The following CD276 variants were observed in gnomAD, a reference collection of about 807,000 sequenced individuals.
CD276 encodes the protein CD276 antigen.
CD276 carries 34 observed loss-of-function variants against 50.0 expected under a neutral mutation model. That is an observed-to-expected ratio of 0.68 (90% CI 0.52 to 0.91). CD276 has a LOEUF of 0.91. Ranked by LOEUF, CD276 falls within the 40% of genes least tolerant of loss-of-function variation. The pLI, the probability that CD276 is intolerant of heterozygous loss-of-function variation, is 0.00. For missense variants in CD276, 634 were observed against 717.5 expected, an observed-to-expected ratio of 0.88 and a Z score of 1.33; for synonymous variants, 275 against 313.0, an observed-to-expected ratio of 0.88 and a Z score of 1.28.
chr15:73,692,600 G>C (rs1567013894), intron 1 of CD276, among the ~76,000 whole-genome samples: 6 of 152,144 alleles, frequency 3.9e-5, no homozygotes. Context: ...TTTGATAAAA[G>C]CAAAATAATA....
At chr15:73,712,894 T>G (rs1900964881) in intron 9 of CD276, 40 bp from the exon 10 acceptor site, 1 of 1,608,594 alleles carries the variant, frequency 6.2e-7, no homozygotes, top group South Asian at 1.1e-5. Flanking sequence ...CATCTAATGC[T>G]TTTCCCTTCC....
chr15:73,709,421 T>G, intron 7 of CD276: 1 of 530,602 alleles, frequency 1.9e-6, no homozygotes, highest in Non-Finnish European at 3.3e-6. Flanking sequence ...GGGTAGTTTT[T>G]GGCTGGGTGA....
rs763087764 is a variant in CD276, at chr15:73,708,376, G to A, written c.1407G>A (p.Val469=). 1 of 1,614,192 alleles carries A rather than the reference G, an allele frequency of 6.2e-7. No individual in the cohort carries two copies. Among genetic ancestry groups the A allele is most frequent in the South Asian group, 1.1e-5 (1 of 91,086 alleles). ...PMTFPPEALW[V]TVGLSVCLIA... The stretch of plus-strand genomic sequence containing the variant: ...CATTCCCCCCAGAGGCCCTGTGGGT[G>A]ACCGTGGGGCTGTCTGTCTGTCTCA... Residue 469 remains valine, a synonymous_variant, in exon 7 of 10, where the codon GTG becomes GTA. Transcript: ENST00000318443.
chr15:73,686,468 A>G (rs1899769370), intron 1 of CD276, among the ~76,000 whole-genome samples: 1 of 152,108 alleles, frequency 6.6e-6, no homozygotes, highest in South Asian at 2.1e-4. Flanking sequence ...TCGGTGCTTT[A>G]ATATTTATGG....
At chr15:73,708,794 G>A (rs771347403) in intron 7 of CD276, 26 of 381,178 alleles carry the variant, frequency 6.8e-5, no homozygotes, top group East Asian at 1.2e-4. Context: ...AGTCAGTCAC[G>A]TGTGTGTGAG....
At chr15:73,703,201 A>G in intron 4 of CD276, 115 bp downstream of exon 4, 5 of 1,218,838 alleles carry the variant, frequency 4.1e-6, no homozygotes, top group Non-Finnish European at 5.7e-6. Flanking sequence ...GTTGCCTCCT[A>G]ATGATAGGGA....
chr15:73,708,560 CT>C, intron 7 of CD276, 87 bp downstream of exon 7: 1 of 1,454,338 alleles, frequency 6.9e-7, no homozygotes, highest in Non-Finnish European at 9.3e-7. Flanking sequence ...TAGAGTGTCA[CT>C]TTCTAGTGAC....
In CD276 at chr15:73,690,610, C is replaced by T. The variant is rs1256103432; in HGVS notation, c.-55+6150C>T. 13 of 446,744 alleles carry T rather than the reference C, an allele frequency of 2.9e-5. No homozygotes were observed. In the Middle Eastern group the frequency reaches 1.0e-3, roughly 35 times the overall value. The allele number at this position is 446,744 out of a possible 1,614,324, so 27.7% of individuals were successfully genotyped here. ...ACAGACAGTATGGGGGCAGCACTTA[C>T]GCTTTTATCAGGAGCCCACTTTTCC... On this transcript the variant is annotated intron_variant, in intron 1 of 9. Transcript: ENST00000318443.
intron 1 of CD276, among the ~76,000 whole-genome samples, chr15:73,696,306 C>G (rs1900172701): frequency 6.6e-6 from 1 of 152,018 alleles, no homozygotes; most frequent in South Asian, 2.1e-4. Flanking sequence ...CAGCATGAGG[C>G]CTGCGTGGCT....
chr15:73,706,608 A>G (rs1216274786), intron 6 of CD276, among the ~76,000 whole-genome samples: 1 of 152,154 alleles, frequency 6.6e-6, no homozygotes, highest in Non-Finnish European at 1.5e-5. Context: ...TTTCTGTTAG[A>G]GCAGGTCTGG....
At chr15:73,712,905 C>T (rs772813145) in intron 9 of CD276, 29 bp from the exon 10 acceptor site, 19 of 1,610,032 alleles carry the variant, frequency 1.2e-5, no homozygotes, top group Non-Finnish European at 1.4e-5. Flanking sequence ...TTTCCCTTCC[C>T]TTTTTTTTCT....
In CD276 at chr15:73,714,232, T is replaced by TG. The variant is rs1901036890; in HGVS notation, c.*1280dup. ...TCATAGCAGCAGAAAAGGCAGAGCC[T>TG]GGGGCAGGGCAGGGCCAGGAATGCT... On this transcript the variant is annotated 3_prime_UTR_variant, in exon 10 of 10. Coordinates refer to ENST00000318443, the MANE Select transcript of CD276 (RefSeq NM_001024736.2). The TG allele has an allele frequency of 9.9e-6, 2 of 202,062 alleles. No individual in the cohort carries two copies. The highest frequency in any genetic ancestry group is 3.7e-4 in the East Asian group (2 of 5,404). 12.5% of individuals were successfully genotyped at this position (202,062 alleles called of 1,614,324 possible).
At chr15:73,693,152 G>C (rs564296297) in intron 1 of CD276, among the ~76,000 whole-genome samples, 18 of 152,282 alleles carry the variant, frequency 1.2e-4, no homozygotes, top group African/African-American at 4.1e-4. Flanking sequence ...GGTGCTGTGG[G>C]CTTTCCTATT....
chr15:73,697,421 G>A (rs1900219715), intron 1 of CD276, among the ~76,000 whole-genome samples: 1 of 151,870 alleles, frequency 6.6e-6, no homozygotes, highest in Non-Finnish European at 1.5e-5. Flanking sequence ...GATTGAGGCT[G>A]GGCGCCTGGA....
At chr15:73,707,572 G>A (rs748710396) in intron 6 of CD276, among the ~76,000 whole-genome samples, 1 of 152,220 alleles carries the variant, frequency 6.6e-6, no homozygotes, top group Non-Finnish European at 1.5e-5. Flanking sequence ...AGGACTCAGC[G>A]AACATTTTCT....
Position 73,699,569 on chromosome 15 carries a change from C to T in CD276, c.-54-17C>T, listed in dbSNP as rs1296284930. 7 of 1,579,324 alleles carry T rather than the reference C, an allele frequency of 4.4e-6. No homozygotes were observed. The highest frequency in any genetic ancestry group is 6.0e-6 in the Non-Finnish European group (7 of 1,165,384). On this transcript the variant is annotated splice_polypyrimidine_tract_variant and intron_variant, in intron 1 of 9. Coordinates refer to ENST00000318443, the MANE Select transcript of CD276 (RefSeq NM_001024736.2). ...AGAACCTTTGGAGACAAAGGCCTTG[C>T]GTCCTCTTTCTCCCAGGCAGGGGCA...
chr15:73,699,819 GC>G, intron 2 of CD276, 101 bp downstream of exon 2: 1 of 1,363,298 alleles, frequency 7.3e-7, no homozygotes, highest in Non-Finnish European at 9.8e-7. Flanking sequence ...GCCAGCTCTG[GC>G]TAGCAGGGCC....
intron 1 of CD276, among the ~76,000 whole-genome samples, chr15:73,697,323 A>G (rs548412642): frequency 1.5e-5 from 2 of 134,894 alleles, no homozygotes; most frequent in East Asian, 4.5e-4. Flanking sequence ...GGTTTGGCTG[A>G]GGGACTCCCT....
chr15:73,689,188 C>CTGTGTGTGTGTGTGTG lies in CD276; in HGVS notation c.-55+4754_-55+4769dup, dbSNP rs58196751. Among the ~76,000 whole-genome samples, 1,363 of 142,676 alleles carry CTGTGTGTGTGTGTGTG rather than the reference C, an allele frequency of 9.6e-3. 10 individuals are homozygous for CTGTGTGTGTGTGTGTG. Among genetic ancestry groups the CTGTGTGTGTGTGTGTG allele is most frequent in the East Asian group, 0.023 (110 of 4,724 alleles). The allele number at this position is 142,676 out of a possible 152,430, so 93.6% of individuals were successfully genotyped here. A position where few individuals can be genotyped will look rare whatever the true frequency, so the allele number is the denominator to read the frequency against. On this transcript the variant is annotated intron_variant, in intron 1 of 9. Transcript: ENST00000318443. The stretch of plus-strand genomic sequence containing the variant: ...CACTTTTTTCAGGGCTCTGTGCCTC[C>CTGTGTGTGTGTGTGTG]TGTGTGTGTGTGTGTGTGTGTGTGT...
Sources: allele counts gnomAD v4.1 joint callset (sites outside exome capture counted in the v4.1 genomes callset), GRCh38; gene constraint gnomAD v4.1.1; transcripts MANE v1.5; gene names NCBI Gene and HGNC (gene_info 2026-07-23, HGNC 2026-07-21).